NDUFAF2: variants seen among roughly 807,000 people sequenced by gnomAD.
NDUFAF2 encodes the protein NADH:ubiquinone oxidoreductase complex assembly factor 2.
A neutral mutation model predicts 22.8 loss-of-function variants in NDUFAF2; 13 were observed. That is an observed-to-expected ratio of 0.57 (90% CI 0.37 to 0.91). The LOEUF (loss-of-function observed/expected upper bound fraction) is 0.91, where lower values mean the gene tolerates loss of function less well. Among genes scored for constraint, NDUFAF2 ranks in the 40% least tolerant of loss-of-function variants. NDUFAF2 has a pLI of 0.01. For missense variants in NDUFAF2, 162 were observed against 195.2 expected (o/e 0.83, Z 1.01); for synonymous variants, 53 against 64.2 (o/e 0.83, Z 0.84).
chr5:61,035,572 T>C (rs1751790646), intron 1 of NDUFAF2, among the ~76,000 whole-genome samples: 1 of 151,862 alleles, frequency 6.6e-6, no homozygotes, highest in African/African-American at 2.4e-5. Context: ...TTTTATACCT[T>C]GTTCTTTAAA....
intron 1 of NDUFAF2, among the ~76,000 whole-genome samples, chr5:61,041,079 A>G (rs148238016): frequency 6.6e-6 from 1 of 152,316 alleles, no homozygotes; most frequent in African/African-American, 2.4e-5. Context: ...AAAGATTAAC[A>G]TTTAGTAAAA....
At chr5:60,946,197 G>A (rs1750451086) in intron 1 of NDUFAF2, among the ~76,000 whole-genome samples, 1 of 152,150 alleles carries the variant, frequency 6.6e-6, no homozygotes, top group Non-Finnish European at 1.5e-5. Flanking sequence ...TGCAGAAAAT[G>A]TCAGGTTTTG....
intron 3 of NDUFAF2, among the ~76,000 whole-genome samples, chr5:61,117,862 G>A (rs1219333550): frequency 6.6e-6 from 1 of 152,110 alleles, no homozygotes; most frequent in African/African-American, 2.4e-5. Context: ...AAATAAGTAA[G>A]TGTGGCTATA....
chr5:61,150,687 A>C (rs1390158067), intron 3 of NDUFAF2, among the ~76,000 whole-genome samples: 5 of 152,194 alleles, frequency 3.3e-5, no homozygotes, highest in Admixed American at 6.5e-5. Context: ...AATCCAAGCA[A>C]GCTCCATACC....
rs1752968551 is a variant in NDUFAF2, at chr5:61,120,904, CT to C, written c.258+21873del. Among the ~76,000 whole-genome samples the C allele has an allele frequency of 3.3e-5, 5 of 152,080 alleles. No homozygotes were observed. The South Asian group carries it at 1.0e-3, about 32-fold the overall frequency. On this transcript the variant is annotated intron_variant, in intron 3 of 3. Transcript: ENST00000296597. Reference sequence around the variant, plus strand: ...CTCACCAAAACAATTTATGTTTTTCCTCTTATTCTCTCCATGCTGAAGAAGT... The same window carrying C: ...CTCACCAAAACAATTTATGTTTTTCCCTTATTCTCTCCATGCTGAAGAAGT...
intron 2 of NDUFAF2, among the ~76,000 whole-genome samples, chr5:61,073,769 A>G (rs1188344117): frequency 6.6e-6 from 1 of 152,226 alleles, no homozygotes; most frequent in African/African-American, 2.4e-5. Context: ...AAGGGAGACA[A>G]ACAGCAGCAG....
intron 1 of NDUFAF2, among the ~76,000 whole-genome samples, chr5:61,021,274 G>GT (rs780565780): frequency 1.4e-4 from 22 of 152,112 alleles, no homozygotes; most frequent in Non-Finnish European, 1.8e-4. Flanking sequence ...AGGATAATCT[G>GT]TTTTTTTCCC....
At chr5:61,075,331 C>T (rs1000297378) in intron 2 of NDUFAF2, among the ~76,000 whole-genome samples, 1 of 151,240 alleles carries the variant, frequency 6.6e-6, no homozygotes, top group Non-Finnish European at 1.5e-5. Flanking sequence ...ACTACTAGAA[C>T]TATGAGGAAA....
intron 1 of NDUFAF2, among the ~76,000 whole-genome samples, chr5:61,010,097 C>T (rs771646110): frequency 2.6e-5 from 4 of 152,052 alleles, no homozygotes; most frequent in African/African-American, 9.7e-5. Context: ...CTACCCTGGT[C>T]TAGTCATCTG....
chr5:61,100,063 G>C (rs191958048), intron 3 of NDUFAF2, among the ~76,000 whole-genome samples: 6 of 152,178 alleles, frequency 3.9e-5, no homozygotes, highest in Non-Finnish European at 1.5e-5. Flanking sequence ...TTCTGCCTTG[G>C]CCTACTTTTC....
At chr5:60,946,766 A>G (rs560825715) in intron 1 of NDUFAF2, among the ~76,000 whole-genome samples, 10 of 152,240 alleles carry the variant, frequency 6.6e-5, no homozygotes, top group Non-Finnish European at 4.4e-5. Context: ...GAATAATTCC[A>G]TCACCATCAG....
intron 3 of NDUFAF2, chr5:61,116,300 G>A (rs1325269802): frequency 2.0e-5 from 3 of 152,076 alleles, no homozygotes; most frequent in African/African-American, 4.8e-5. Flanking sequence ...AATAAATAGG[G>A]TAAAACACTT....
intron 3 of NDUFAF2, among the ~76,000 whole-genome samples, chr5:61,143,319 T>A (rs1279691613): frequency 6.6e-6 from 1 of 152,066 alleles, no homozygotes; most frequent in Admixed American, 6.6e-5. Flanking sequence ...GGCAATGTAC[T>A]CATACTTTAA....
At position 60,945,307 on chromosome 5, in the gene NDUFAF2, G is replaced by A; in HGVS notation, c.52G>A (p.Glu18Lys). ...FRALWRSLSR[E>K]VKEHVGTDQF... The stretch of plus-strand genomic sequence containing the variant: ...CGCCTTGTGGAGATCGCTGTCAAGG[G>A]AAGTGAAGGAGCACGTGGGCACGGA... The change falls in exon 1 of 4, where the codon GAA becomes AAA. Residue 18 changes from glutamate to lysine, a missense_variant. Physicochemically the swap from Glu to Lys is moderately conservative, Grantham distance 56. Transcript: ENST00000296597. The A allele has an allele frequency of 1.9e-6, 3 of 1,614,078 alleles. No homozygotes were observed. Among genetic ancestry groups the A allele is most frequent in the South Asian group, 1.1e-5 (1 of 91,058 alleles).
rs116950639 is a variant in NDUFAF2, at chr5:61,052,900, A to G, written c.128-20225A>G. ...GAACATATTTGTGGTAGAGACCACT[A>G]GCTTCCTACCAAAATCACTTTTTCC... On this transcript the variant is annotated intron_variant, in intron 1 of 3. Transcript: ENST00000296597. Among the ~76,000 whole-genome samples the G allele has an allele frequency of 5.4e-3, 823 of 152,342 alleles. 18 individuals are homozygous for G. Among genetic ancestry groups the G allele is most frequent in the East Asian group, 0.052 (270 of 5,180 alleles).
At chr5:61,142,495 TG>T (rs1366581515) in intron 3 of NDUFAF2, among the ~76,000 whole-genome samples, 1 of 152,094 alleles carries the variant, frequency 6.6e-6, no homozygotes, top group Non-Finnish European at 1.5e-5. Context: ...TTTGAAAAAA[TG>T]CATGAGGAAG....
At chr5:60,993,433 A>G (rs973675825) in intron 1 of NDUFAF2, among the ~76,000 whole-genome samples, 1 of 152,164 alleles carries the variant, frequency 6.6e-6, no homozygotes, top group African/African-American at 2.4e-5. Context: ...CAGTCCTGCC[A>G]TTTGGCAGGT....
At chr5:60,995,427 C>T (rs1160248833) in intron 1 of NDUFAF2, among the ~76,000 whole-genome samples, 3 of 152,242 alleles carry the variant, frequency 2.0e-5, no homozygotes, top group Admixed American at 2.0e-4. Flanking sequence ...TTCTTGCAGA[C>T]TCATAGAGGT....
chr5:60,970,650 T>C (rs886186907), intron 1 of NDUFAF2, among the ~76,000 whole-genome samples: 1 of 152,210 alleles, frequency 6.6e-6, no homozygotes, highest in African/African-American at 2.4e-5. Flanking sequence ...ACAAGAATAA[T>C]TTGACGTCTT....
Sources: allele counts gnomAD v4.1 joint callset (sites outside exome capture counted in the v4.1 genomes callset), GRCh38; gene constraint gnomAD v4.1.1; transcripts MANE v1.5; gene names NCBI Gene and HGNC (gene_info 2026-07-23, HGNC 2026-07-21).